The following ITCH variants were observed in gnomAD, a reference collection of about 807,000 sequenced individuals.
ITCH encodes the protein itchy E3 ubiquitin protein ligase, also known as E3 ubiquitin-protein ligase Itchy homolog.
In ITCH, 28 loss-of-function variants were observed where a neutral mutation model predicts 126.8. That is an observed-to-expected ratio of 0.22 (90% CI 0.16 to 0.30). The LOEUF is 0.30. ITCH is among the 10% of genes least tolerant of loss of function. The probability of loss-of-function intolerance (pLI) is 1.00; values close to 1 mark genes in which losing one functional copy is unlikely to be tolerated. For missense variants in ITCH, 631 were observed against 1,032.4 expected (o/e 0.61, Z 5.33); for synonymous variants, 342 against 340.0 (o/e 1.01, Z -0.06).
chr20:34,441,598 T>TTTTTTTA, intron 9 of ITCH: 1 of 150,688 alleles, frequency 6.6e-6, no homozygotes. Flanking sequence ...CTAATTTTTT[T>TTTTTTTA]TTTTTGAGAT....
intron 20 of ITCH, among the ~76,000 whole-genome samples, chr20:34,486,665 T>TTTTATTTATTTATTTA (rs71194610): frequency 1.1e-4 from 16 of 149,104 alleles, no homozygotes; most frequent in African/African-American, 3.4e-4. Flanking sequence ...ATTTTATTTA[T>TTTTATTTATTTATTTA]TTTATTTATT....
Position 34,445,407 on chromosome 20 carries a change from G to A in ITCH, c.1086G>A (p.Gln362=). 2 of 1,614,144 alleles carry A rather than the reference G, an allele frequency of 1.2e-6. No individual in the cohort carries two copies. Among genetic ancestry groups the A allele is most frequent in the Non-Finnish European group, 1.7e-6 (2 of 1,180,024 alleles). ...SVRNYEQWQL[Q]RSQLQGAMQQ... ...GGAACTATGAACAATGGCAGCTACAGCGTAGTCAGCTTCAAGGAGCAATGC... is the reference window on the plus strand; with the variant it reads ...GGAACTATGAACAATGGCAGCTACAACGTAGTCAGCTTCAAGGAGCAATGC... Residue 362 remains glutamine, a synonymous_variant, in exon 11 of 25, where the codon CAG becomes CAA. Transcript: ENST00000374864.
chr20:34,393,800 C>G lies in ITCH; in HGVS notation c.-12C>G, dbSNP rs759700417. ...CCTTTGCCATGTTCAGGTTTTCCAA[C>G]CTATTGGTGGTATGTCTGACAGTGG... On this transcript the variant is annotated 5_prime_UTR_variant, in exon 3 of 25. Coordinates refer to ENST00000374864, the MANE Select transcript of ITCH (RefSeq NM_031483.7). 21 of 1,609,174 alleles carry G rather than the reference C, an allele frequency of 1.3e-5. No individual in the cohort carries two copies. In the African/African-American group the frequency reaches 2.5e-4, roughly 19 times the overall value.
intron 14 of ITCH, among the ~76,000 whole-genome samples, chr20:34,464,115 C>T (rs1245683705): frequency 6.6e-6 from 1 of 151,232 alleles, no homozygotes; most frequent in African/African-American, 2.4e-5. Flanking sequence ...GCTGGGCCTA[C>T]AGGCGCCCGC....
chr20:34,456,610 G>A (rs1474712156), intron 12 of ITCH, among the ~76,000 whole-genome samples: 1 of 139,978 alleles, frequency 7.1e-6, no homozygotes, highest in African/African-American at 2.7e-5. Context: ...TCCAGCCAGG[G>A]TGACAAAGTG....
chr20:34,406,595 C>T (rs1278344813), intron 3 of ITCH, among the ~76,000 whole-genome samples: 4 of 149,212 alleles, frequency 2.7e-5, no homozygotes, highest in East Asian at 2.0e-4. Context: ...AGTGCAGTGG[C>T]GCAATCGCGG....
At chr20:34,369,174 G>T (rs775162501) in intron 1 of ITCH, among the ~76,000 whole-genome samples, 1 of 151,938 alleles carries the variant, frequency 6.6e-6, no homozygotes, top group Non-Finnish European at 1.5e-5. Context: ...CTAAAAATAC[G>T]AAAGTTAGCC....
chr20:34,504,486 G>T, intron 24 of ITCH, 83 bp downstream of exon 24: 3 of 905,794 alleles, frequency 3.3e-6, no homozygotes, highest in Middle Eastern at 2.1e-4. Flanking sequence ...AATTAAAAAT[G>T]ATATTTAGTA....
Position 34,364,784 on chromosome 20 carries a change from G to A in ITCH, c.-99+1435G>A, listed in dbSNP as rs192884181. Among the ~76,000 whole-genome samples the A allele has an allele frequency of 2.1e-3, 311 of 147,382 alleles. 1 individual carries two copies. The highest frequency in any genetic ancestry group is 2.7e-3 in the Non-Finnish European group (184 of 67,218). On this transcript the variant is annotated intron_variant, in intron 1 of 24. Coordinates refer to ENST00000374864, the MANE Select transcript of ITCH (RefSeq NM_031483.7). ...CGCGCGCCTGTAGTCCCAGCTACTA[G>A]GGAGGCTGAGGCAGGAGAATGGCTT...
At chr20:34,454,172 C>G (rs1246896237) in intron 12 of ITCH, among the ~76,000 whole-genome samples, 1 of 147,892 alleles carries the variant, frequency 6.8e-6, no homozygotes, top group African/African-American at 2.5e-5. Flanking sequence ...GAGTCTCGCT[C>G]TGTCGCCCAG....
At chr20:34,453,710 C>T (rs77826966) in intron 12 of ITCH, among the ~76,000 whole-genome samples, 3,898 of 152,116 alleles carry the variant, frequency 0.026, 73 homozygotes, top group Non-Finnish European at 0.041. Flanking sequence ...AAAGAGAATT[C>T]TGGCTGGGTA....
chr20:34,430,525 A>C (rs1219891136), intron 7 of ITCH, among the ~76,000 whole-genome samples: 1 of 152,106 alleles, frequency 6.6e-6, no homozygotes, highest in Admixed American at 6.6e-5. Context: ...CCAGATGGGA[A>C]TGCAGTGACG....
At chr20:34,455,528 T>C (rs1218406770) in intron 12 of ITCH, among the ~76,000 whole-genome samples, 1 of 151,696 alleles carries the variant, frequency 6.6e-6, no homozygotes, top group Non-Finnish European at 1.5e-5. Flanking sequence ...CTGTAATCCA[T>C]CTCGGCACAC....
intron 2 of ITCH, among the ~76,000 whole-genome samples, chr20:34,388,223 A>C (rs137906647): frequency 1.3e-5 from 2 of 150,976 alleles, no homozygotes; most frequent in African/African-American, 4.9e-5. Context: ...TTGGCCTCCC[A>C]TGTAGCTGGG....
In ITCH at chr20:34,412,365, T is replaced by C. The variant is rs887478457; in HGVS notation, c.213-150T>C. ...AGCATTCAGATAATTTTCATAAGAT[T>C]ACTGAACATAGGCCAATATTGATTG... On this transcript the variant is annotated intron_variant, in intron 4 of 24. Coordinates refer to ENST00000374864, the MANE Select transcript of ITCH (RefSeq NM_031483.7). 5.0e-6 allele frequency: 3 copies of C among 602,842 alleles called. No homozygotes were observed. In the African/African-American group the frequency reaches 5.5e-5, roughly 11 times the overall value. 37.3% of individuals were successfully genotyped at this position (602,842 alleles called of 1,614,324 possible). A position where few individuals can be genotyped will look rare whatever the true frequency, so the allele number is the denominator to read the frequency against.
chr20:34,494,795 C>T (rs1455123544), intron 23 of ITCH, among the ~76,000 whole-genome samples: 2 of 151,570 alleles, frequency 1.3e-5, no homozygotes, highest in Non-Finnish European at 2.9e-5. Flanking sequence ...CCTGTCTCTA[C>T]AGAAAATTTA....
chr20:34,458,066 T>TA (rs1274193107), intron 13 of ITCH, among the ~76,000 whole-genome samples: 1 of 152,226 alleles, frequency 6.6e-6, no homozygotes, highest in Non-Finnish European at 1.5e-5. Context: ...AATCAGGGTT[T>TA]CTTAACCTGA....
chr20:34,400,601 G>A (rs1187466278), intron 3 of ITCH, among the ~76,000 whole-genome samples: 1 of 150,354 alleles, frequency 6.7e-6, no homozygotes, highest in Non-Finnish European at 1.5e-5. Context: ...ATCAAAGGGT[G>A]GTTAGATTTG....
chr20:34,395,803 T>C (rs1209517657), intron 3 of ITCH, among the ~76,000 whole-genome samples: 1 of 152,174 alleles, frequency 6.6e-6, no homozygotes, highest in African/African-American at 2.4e-5. Context: ...CTAAATAATA[T>C]TTTATTGTAT....
Sources: allele counts gnomAD v4.1 joint callset (sites outside exome capture counted in the v4.1 genomes callset), GRCh38; gene constraint gnomAD v4.1.1; transcripts MANE v1.5; gene names NCBI Gene and HGNC (gene_info 2026-07-23, HGNC 2026-07-21).